The following RGS7 variants were observed in gnomAD, a reference collection of about 807,000 sequenced individuals.
RGS7 encodes regulator of G-protein signaling 7.
A neutral mutation model predicts 81.1 loss-of-function variants in RGS7; 27 were observed. That is an observed-to-expected ratio of 0.33 (90% CI 0.25 to 0.46). RGS7 has a LOEUF of 0.46. Ranked by LOEUF, RGS7 falls within the 20% of genes least tolerant of loss-of-function variation. RGS7 has a pLI of 1.00. For synonymous variants in RGS7, 208 were observed against 207.7 expected (o/e 1.00, Z -0.01); for missense variants, 396 against 607.4 (o/e 0.65, Z 3.66).
intron 3 of RGS7, among the ~76,000 whole-genome samples, chr1:241,059,748 C>A (rs866350162): frequency 6.7e-6 from 1 of 150,066 alleles, no homozygotes; most frequent in South Asian, 2.1e-4. Flanking sequence ...TCCCACCACA[C>A]GCAAAGCTCA....
chr1:241,023,541 C>T (rs1052146975), intron 3 of RGS7, among the ~76,000 whole-genome samples: 2 of 152,198 alleles, frequency 1.3e-5, no homozygotes, highest in South Asian at 2.1e-4. Context: ...TTTGGGATCA[C>T]GCCAATTGGC....
intron 2 of RGS7, among the ~76,000 whole-genome samples, chr1:241,262,828 T>C (rs1258432704): frequency 6.6e-6 from 1 of 152,058 alleles, no homozygotes; most frequent in East Asian, 1.9e-4. Context: ...CAGCCAGGCG[T>C]GGTGATTCAT....
At chr1:241,237,574 T>C (rs1025884262) in intron 2 of RGS7, among the ~76,000 whole-genome samples, 1 of 152,232 alleles carries the variant, frequency 6.6e-6, no homozygotes, top group Non-Finnish European at 1.5e-5. Context: ...GATAGGAAGA[T>C]AAATTGTAAA....
At chr1:241,047,179 G>GT (rs2148791964) in intron 3 of RGS7, among the ~76,000 whole-genome samples, 1 of 152,246 alleles carries the variant, frequency 6.6e-6, no homozygotes, top group East Asian at 1.9e-4. Flanking sequence ...CTGAATCCAC[G>GT]TATCTCCGTA....
At chr1:240,776,901 C>T (rs1438442782) in intron 18 of RGS7, among the ~76,000 whole-genome samples, 1 of 152,220 alleles carries the variant, frequency 6.6e-6, no homozygotes, top group Non-Finnish European at 1.5e-5. Context: ...CTGTTCTATT[C>T]TGATTCCACA....
intron 3 of RGS7, among the ~76,000 whole-genome samples, chr1:241,031,412 G>C (rs1032343104): frequency 1.3e-5 from 2 of 152,122 alleles, no homozygotes; most frequent in African/African-American, 4.8e-5. Flanking sequence ...TATCTTTGCT[G>C]TTGTGAATTG....
intron 2 of RGS7, among the ~76,000 whole-genome samples, chr1:241,269,755 G>A (rs369714654): frequency 1.1e-4 from 16 of 152,272 alleles, no homozygotes; most frequent in Middle Eastern, 3.4e-3. Context: ...ATGCATCATA[G>A]GTATTCTCAA....
At chr1:241,212,272 T>C (rs1381485067) in intron 2 of RGS7, among the ~76,000 whole-genome samples, 1 of 152,132 alleles carries the variant, frequency 6.6e-6, no homozygotes, top group Non-Finnish European at 1.5e-5. Context: ...ATTTGCCTCT[T>C]TGTCATTTAG....
chr1:241,088,377 G>A (rs137952706), intron 3 of RGS7, among the ~76,000 whole-genome samples: 2,594 of 152,082 alleles, frequency 0.017, 30 homozygotes, highest in Non-Finnish European at 0.028. Context: ...ATTATTCTGA[G>A]GTAAAGGCAA....
intron 4 of RGS7, among the ~76,000 whole-genome samples, chr1:240,967,571 G>T (rs976188477): frequency 1.5e-5 from 2 of 130,000 alleles, no homozygotes; most frequent in African/African-American, 2.7e-5. Flanking sequence ...CAAGAAGTGG[G>T]GGGGGGGGGG....
intron 18 of RGS7, among the ~76,000 whole-genome samples, chr1:240,791,171 A>G (rs914804938): frequency 3.4e-4 from 51 of 152,226 alleles, no homozygotes; most frequent in Admixed American, 1.6e-3. Context: ...AATTTCCAAC[A>G]ACTGCCACAG....
At chr1:241,002,714 G>C (rs2058461316) in intron 3 of RGS7, among the ~76,000 whole-genome samples, 1 of 152,162 alleles carries the variant, frequency 6.6e-6, no homozygotes, top group Non-Finnish European at 1.5e-5. Context: ...AGTGGTTGGT[G>C]AATGAATGGA....
intron 4 of RGS7, among the ~76,000 whole-genome samples, chr1:240,953,151 T>C (rs1049268056): frequency 6.6e-6 from 1 of 151,910 alleles, no homozygotes; most frequent in Non-Finnish European, 1.5e-5. Flanking sequence ...TTTTCATTAA[T>C]TGACAGACCA....
chr1:241,299,362 C>T (rs2079603307), intron 2 of RGS7, among the ~76,000 whole-genome samples: 1 of 151,588 alleles, frequency 6.6e-6, no homozygotes, highest in African/African-American at 2.4e-5. Flanking sequence ...ATTTTCTTAG[C>T]TCTAAAAATA....
In RGS7 at chr1:240,992,225, C is replaced by T. The variant is rs1382171669; in HGVS notation, c.176-9096G>A. ...GCATAGTCAAAACTACAGCTCAGGC[C>T]GGGCGCGTTGGCTCATGCCTGTAAT... is the stretch of plus-strand genomic sequence containing the variant. On this transcript the variant is annotated intron_variant, in intron 3 of 18. Coordinates refer to ENST00000440928, the MANE Select transcript of RGS7 (RefSeq NM_001364886.1). 5.3e-5 allele frequency among the ~76,000 whole-genome samples: 8 copies of T among 152,258 alleles called. No homozygotes were observed. In the South Asian group the frequency reaches 6.2e-4, roughly 12 times the overall value.
chr1:240,813,556 C>T, intron 13 of RGS7, 62 bp downstream of exon 13: 1 of 985,438 alleles, frequency 1.0e-6, no homozygotes, highest in Admixed American at 1.8e-5. Flanking sequence ...AAAATCCTTC[C>T]CATTTCACTC....
At chr1:240,864,244 T>TG (rs1662802984) in intron 9 of RGS7, among the ~76,000 whole-genome samples, 3 of 152,162 alleles carry the variant, frequency 2.0e-5, no homozygotes, top group African/African-American at 4.8e-5. Context: ...AAAGGTATCA[T>TG]TACATGATAC....
chr1:241,306,284 T>C (rs1047955207), intron 2 of RGS7, among the ~76,000 whole-genome samples: 1 of 145,302 alleles, frequency 6.9e-6, no homozygotes, highest in Non-Finnish European at 1.5e-5. Context: ...CACACACCCT[T>C]ACACACATAC....
chr1:241,157,511 A>G (rs2069261014), intron 2 of RGS7, among the ~76,000 whole-genome samples: 1 of 152,198 alleles, frequency 6.6e-6, no homozygotes, highest in Non-Finnish European at 1.5e-5. Context: ...CCTACACTCA[A>G]GTAAAAATGT....
Sources: gnomAD v4.1 joint callset for allele counts (sites outside exome capture counted in the v4.1 genomes callset) on GRCh38, gnomAD v4.1.1 for gene constraint, MANE v1.5 for transcripts, NCBI Gene and HGNC (gene_info 2026-07-23, HGNC 2026-07-21) for gene names.